Variants in RNPS1 observed in about 807,000 individuals in gnomAD.
The protein encoded by RNPS1 is RNA binding protein with serine rich domain 1.
For missense variants in RNPS1, 300 were observed against 427.6 expected, an observed-to-expected ratio of 0.70 and a Z score of 2.63; for synonymous variants, 147 against 150.0, an observed-to-expected ratio of 0.98 and a Z score of 0.15.
Position 2,262,283 on chromosome 16 carries a change from T to C in RNPS1, c.671A>G (p.Asp224Gly). ...TATGTGGCAGGGTCACCCACCTCCATCCATGTGCTTCAGCGCCTTCTCGGC... is the reference window on the plus strand; with the variant it reads ...TATGTGGCAGGGTCACCCACCTCCACCCATGTGCTTCAGCGCCTTCTCGGC... ...DEAEKALKHM[D>G]GGQIDGQEIT... Residue 224 changes from aspartate (D) to glycine (G), a missense_variant, in exon 6 of 8, where the codon GAT becomes GGT. Asp to Gly is a moderately conservative substitution (Grantham distance 94). Transcript: ENST00000320225. 1.2e-6 allele frequency: 2 copies of C among 1,612,694 alleles called. No individual in the cohort carries two copies. Among genetic ancestry groups the C allele is most frequent in the Non-Finnish European group, 1.7e-6 (2 of 1,179,982 alleles).
chr16:2,267,568 G>C, intron 1 of RNPS1: 2 of 1,053,268 alleles, frequency 1.9e-6, no homozygotes, highest in East Asian at 1.1e-4. Context: ...AGGGGGGATC[G>C]GCCGACCTTC....
chr16:2,267,922 G>T, intron 1 of RNPS1, 133 bp downstream of exon 1: 1 of 1,529,868 alleles, frequency 6.5e-7, no homozygotes, highest in Non-Finnish European at 8.7e-7. Flanking sequence ...CTTTCTTCTC[G>T]GAGCCCGCAC....
intron 1 of RNPS1, 116 bp from the exon 2 acceptor site, chr16:2,264,876 G>A (rs2093618777): frequency 2.6e-6 from 2 of 783,768 alleles, no homozygotes; most frequent in African/African-American, 3.5e-5. Context: ...TAAGCAATAA[G>A]TGTCCACACA....
At position 2,254,154 on chromosome 16, in the gene RNPS1, T is replaced by A. The variant is rs2093565723; in HGVS notation, c.819-91A>T. ...GGCAATTCCCCATAGTTTTACTTTT[T>A]GAGATGGAATATCACTCTGTCTCCA... On this transcript the variant is annotated intron_variant, in intron 7 of 7. Transcript: ENST00000320225. The A allele has an allele frequency of 6.5e-6, 6 of 920,442 alleles. No individual in the cohort carries two copies. In the East Asian group the frequency reaches 1.8e-4, roughly 27 times the overall value. The allele number at this position is 920,442 out of a possible 1,614,324, so 57.0% of individuals were successfully genotyped here. A position where few individuals can be genotyped will look rare whatever the true frequency, so the allele number is the denominator to read the frequency against.
intron 7 of RNPS1, among the ~76,000 whole-genome samples, chr16:2,254,514 G>A (rs2093568139): frequency 2.0e-5 from 3 of 152,038 alleles, no homozygotes; most frequent in African/African-American, 7.2e-5. Flanking sequence ...AGCCAGGATG[G>A]TCTCGATCTC....
rs2093606539 is a variant in RNPS1, at chr16:2,262,348, G to A, written c.606C>T (p.Ser202=). Residue 202 remains serine (S), a synonymous_variant, in exon 6 of 8, where the codon TCC becomes TCT. Transcript: ENST00000320225. The part of the protein sequence containing the change: ...MPVERMHPHL[S]KGYAYVEFEN... Reference sequence around the variant, plus strand: ...CAAACTCTACGTACGCATAGCCTTTGGACAGATGGGGATGCATCCTTTCCA... The same window carrying A: ...CAAACTCTACGTACGCATAGCCTTTAGACAGATGGGGATGCATCCTTTCCA... 6.2e-7 allele frequency: 1 copy of A among 1,614,022 alleles called. No individual in the cohort carries two copies. Among genetic ancestry groups the A allele is most frequent in the South Asian group, 1.1e-5 (1 of 91,072 alleles).
chr16:2,254,296 C>G (rs985675741), intron 7 of RNPS1, among the ~76,000 whole-genome samples: 10 of 152,114 alleles, frequency 6.6e-5, no homozygotes, highest in African/African-American at 2.4e-4. Flanking sequence ...CCACCACGCC[C>G]AGCTAATTTT....
Position 2,264,614 on chromosome 16 carries a change from G to A in RNPS1, c.30C>T (p.Ser10=), listed in dbSNP as rs188297037. The change falls in exon 2 of 8, where the codon AGC becomes AGT. Residue 10 remains serine (S), a synonymous_variant. Transcript: ENST00000320225. MDLSGVKKK[S]LLGVKENNKK... ...TATTATTTTCTTTGACTCCTAGCAAGCTCTTCTTTTTCACTCCTGATAAAT... is the reference window on the plus strand; with the variant it reads ...TATTATTTTCTTTGACTCCTAGCAAACTCTTCTTTTTCACTCCTGATAAAT... The A allele has an allele frequency of 1.9e-6, 3 of 1,613,228 alleles. No homozygotes were observed. Among genetic ancestry groups the A allele is most frequent in the African/African-American group, 1.3e-5 (1 of 74,992 alleles).
Position 2,263,122 on chromosome 16 carries a change from G to A in RNPS1, c.393C>T (p.His131=), listed in dbSNP as rs753971727. 3.1e-6 allele frequency: 5 copies of A among 1,613,032 alleles called. No homozygotes were observed. Among genetic ancestry groups the A allele is most frequent in the Admixed American group, 3.3e-5 (2 of 60,004 alleles). ...SGSPSPSRRR[H]DNRRRSRSKS... ...TGGAGCGGGAGCGCCTCCTGTTGTC[G>A]TGTCTGCGCCGAGAAGGACTTGGAG... is the stretch of plus-strand genomic sequence containing the variant. Residue 131 remains histidine (H), a synonymous_variant, in exon 4 of 8, where the codon CAC becomes CAT. Coordinates refer to ENST00000320225, the MANE Select transcript of RNPS1 (RefSeq NM_080594.4).
intron 6 of RNPS1, chr16:2,258,731 A>G (rs1407341407): frequency 6.6e-6 from 1 of 152,138 alleles, no homozygotes; most frequent in East Asian, 1.9e-4. Flanking sequence ...GTCTCAAAAA[A>G]AGGTGTGGGA....
intron 7 of RNPS1, 107 bp downstream of exon 7, chr16:2,255,478 C>G (rs2093573871): frequency 7.5e-7 from 1 of 1,339,654 alleles, no homozygotes; most frequent in South Asian, 1.4e-5. Context: ...CTCTGCCAGC[C>G]CGCACAGCAG....
intron 6 of RNPS1, among the ~76,000 whole-genome samples, chr16:2,261,163 T>C (rs2093601612): frequency 6.6e-6 from 1 of 152,108 alleles, no homozygotes; most frequent in Admixed American, 6.6e-5. Context: ...AAAACTATAG[T>C]ACACCCAAAT....
intron 2 of RNPS1, 28 bp from the exon 3 acceptor site, chr16:2,264,359 G>T (rs371566294): frequency 1.2e-6 from 2 of 1,614,008 alleles, no homozygotes; most frequent in African/African-American, 2.7e-5. Flanking sequence ...GTGTGAGATT[G>T]CGTGCTCCTC....
chr16:2,263,920 A>T, intron 3 of RNPS1: 1 of 320,888 alleles, frequency 3.1e-6, no homozygotes, highest in Non-Finnish European at 5.5e-6. Context: ...TGTAGAGACG[A>T]GCTCTTGTTT....
At chr16:2,257,210 T>C (rs538748720) in intron 6 of RNPS1, 155 of 152,202 alleles carry the variant, frequency 1.0e-3, no homozygotes, top group African/African-American at 3.4e-3. Context: ...ACCTCAAGAA[T>C]TGTCTGGTAG....
At chr16:2,261,327 T>C (rs1323624894) in intron 6 of RNPS1, among the ~76,000 whole-genome samples, 1 of 152,190 alleles carries the variant, frequency 6.6e-6, no homozygotes, top group Non-Finnish European at 1.5e-5. Context: ...TGCATCCTAT[T>C]ACGTTTCAGC....
chr16:2,265,688 T>G (rs944120150), intron 1 of RNPS1: 10 of 152,198 alleles, frequency 6.6e-5, no homozygotes, highest in African/African-American at 2.4e-4. Context: ...TTTCACCATA[T>G]TGACCAGGCT....
chr16:2,262,167 ACT>A (rs1596809537), intron 6 of RNPS1, 109 bp downstream of exon 6: 5 of 1,160,702 alleles, frequency 4.3e-6, no homozygotes, highest in African/African-American at 3.1e-5. Flanking sequence ...CAAGTGTGAA[ACT>A]CTGTCTCAAA....
In RNPS1 at chr16:2,267,844, G is replaced by C. The variant is rs569952610; in HGVS notation, c.-118+211C>G. On this transcript the variant is annotated intron_variant, in intron 1 of 7. Coordinates refer to ENST00000320225, the MANE Select transcript of RNPS1 (RefSeq NM_080594.4). ...ACGAAGCACAGGCGCCCTTCCGTCC[G>C]CAGCGGCCCCGACCACTTCCGGGCC... 1,033 of 1,505,236 alleles carry C rather than the reference G, an allele frequency of 6.9e-4. 8 individuals carry two copies. Among genetic ancestry groups the C allele is most frequent in the South Asian group, 4.4e-3 (348 of 78,764 alleles). The allele number at this position is 1,505,236 out of a possible 1,614,324, so 93.2% of individuals were successfully genotyped here.
Sources: gnomAD v4.1 joint callset for allele counts (sites outside exome capture counted in the v4.1 genomes callset) on GRCh38, gnomAD v4.1.1 for gene constraint, MANE v1.5 for transcripts, NCBI Gene and HGNC (gene_info 2026-07-23, HGNC 2026-07-21) for gene names.